The following MAST4 variants were observed in gnomAD, a reference collection of about 807,000 sequenced individuals.
The protein encoded by MAST4 is microtubule-associated serine/threonine-protein kinase 4.
Under a neutral mutation model 162.7 loss-of-function variants are expected in MAST4, and 89 were observed. That is an observed-to-expected ratio of 0.55 (90% CI 0.46 to 0.65). The LOEUF is 0.65. MAST4 is among the 30% of genes least tolerant of loss of function. The probability of loss-of-function intolerance (pLI) is 0.00; values close to 1 mark genes in which losing one functional copy is unlikely to be tolerated. For synonymous variants in MAST4, 1,479 were observed against 1,361.1 expected, an observed-to-expected ratio of 1.09 and a Z score of -1.91; for missense variants, 3,153 against 3,374.0, an observed-to-expected ratio of 0.93 and a Z score of 1.62.
Position 67,164,407 on chromosome 5 carries a change from G to A in MAST4, c.5228G>A (p.Ser1743Asn). The A allele has an allele frequency of 6.2e-7, 1 of 1,614,056 alleles. No individual in the cohort carries two copies. The highest frequency in any genetic ancestry group is 2.2e-5 in the East Asian group (1 of 44,878). The change falls in exon 29 of 29, where the codon AGC becomes AAC. Residue 1743 changes from serine (S) to asparagine (N), a missense_variant. Physicochemically the swap from Ser to Asn is conservative, Grantham distance 46. Transcript: ENST00000403625. This position sits in a 1 kb window ranked among gnomAD's most constrained non-coding sequence, Gnocchi z 5.3. ...PPASESRAFVSSTHAAQMSAV... is the reference protein window; with the variant it reads ...PPASESRAFVNSTHAAQMSAV... Reference sequence around the variant, plus strand: ...GCTTCTGAGAGCCGAGCTTTTGTCAGCAGCACCCATGCAGCTCAGATGAGT... The same window carrying A: ...GCTTCTGAGAGCCGAGCTTTTGTCAACAGCACCCATGCAGCTCAGATGAGT...
At chr5:67,049,061 G>GTA (rs139716277) in intron 4 of MAST4, among the ~76,000 whole-genome samples, 2,620 of 75,838 alleles carry the variant, frequency 0.035, 131 homozygotes, top group African/African-American at 0.094. Context: ...ATATATATAC[G>GTA]TATATATATA....
At chr5:67,156,604 C>T (rs1381508240) in intron 26 of MAST4, among the ~76,000 whole-genome samples, 4 of 152,062 alleles carry the variant, frequency 2.6e-5, no homozygotes, top group African/African-American at 9.7e-5. Flanking sequence ...GTCAGGGGTG[C>T]GGGATAGTCT....
intron 1 of MAST4, among the ~76,000 whole-genome samples, chr5:66,729,938 C>T (rs960394674): frequency 1.3e-5 from 2 of 152,204 alleles, no homozygotes; most frequent in African/African-American, 4.8e-5. Flanking sequence ...AGGGTAATGA[C>T]AAGAGGACTG....
chr5:66,840,573 T>A (rs1324017051), intron 3 of MAST4, among the ~76,000 whole-genome samples: 1 of 152,114 alleles, frequency 6.6e-6, no homozygotes, highest in East Asian at 1.9e-4. Flanking sequence ...GGCCTCATGA[T>A]AGGCAGAGCC....
At chr5:67,081,571 A>C (rs568096228) in intron 5 of MAST4, among the ~76,000 whole-genome samples, 34 of 152,294 alleles carry the variant, frequency 2.2e-4, no homozygotes, top group Non-Finnish European at 4.7e-4. Context: ...TACAGTATAC[A>C]AGAAATTCTA....
chr5:66,898,729 T>G (rs462465), intron 3 of MAST4, among the ~76,000 whole-genome samples: 80,241 of 151,872 alleles, frequency 0.53, 21,502 homozygotes, highest in Middle Eastern at 0.6. Flanking sequence ...TTGTTTTTCT[T>G]GCTTTTGAAC....
intron 4 of MAST4, among the ~76,000 whole-genome samples, chr5:66,971,231 T>G (rs1213734233): frequency 6.6e-6 from 1 of 152,194 alleles, no homozygotes; most frequent in Non-Finnish European, 1.5e-5. Context: ...TGTTTTGACT[T>G]GTGGAGCCCG....
At chr5:66,959,387 A>G in intron 4 of MAST4, 1 of 758,434 alleles carries the variant, frequency 1.3e-6, no homozygotes, top group Admixed American at 1.8e-5. Flanking sequence ...TTGTACTGAC[A>G]GCCTCAGAGC....
In MAST4 at chr5:67,163,713, C is replaced by T. The variant is rs1773506758; in HGVS notation, c.4534C>T (p.Arg1512Cys). The T allele has an allele frequency of 6.2e-7, 1 of 1,608,596 alleles. No homozygotes were observed. Among genetic ancestry groups the T allele is most frequent in the South Asian group, 1.1e-5 (1 of 90,272 alleles). Residue 1512 changes from arginine (R) to cysteine (C), a missense_variant, in exon 29 of 29, where the codon CGC becomes TGC. Arg to Cys is a radical substitution (Grantham distance 180, BLOSUM62 -3). Transcript: ENST00000403625. The surrounding 1 kb of genome is among the most constrained non-coding windows in gnomAD (Gnocchi z 7.0). ...GCCAGTGGAGCAAGGCTGCCTGAAACGCCCAGTCTCCCGGAAGGTGGGCCG... is the reference window on the plus strand; with the variant it reads ...GCCAGTGGAGCAAGGCTGCCTGAAATGCCCAGTCTCCCGGAAGGTGGGCCG... ...ARPVEQGCLK[R>C]PVSRKVGRQE... is the part of the protein sequence containing the mutation.
intron 3 of MAST4, among the ~76,000 whole-genome samples, chr5:66,845,124 T>TACACAC (rs1250010685): frequency 1.1e-4 from 11 of 98,922 alleles, no homozygotes; most frequent in East Asian, 4.2e-4. Context: ...TATATATATA[T>TACACAC]ATACACACAC....
At chr5:66,709,617 C>G (rs1317204048) in intron 1 of MAST4, among the ~76,000 whole-genome samples, 1 of 151,998 alleles carries the variant, frequency 6.6e-6, no homozygotes, top group Non-Finnish European at 1.5e-5. Flanking sequence ...ATATGCAGCC[C>G]CCAAAATGAA....
chr5:67,104,590 C>G lies in MAST4; in HGVS notation c.1356+15C>G, dbSNP rs550233175. The G allele has an allele frequency of 6.2e-7, 1 of 1,600,286 alleles. No individual in the cohort carries two copies. Among genetic ancestry groups the G allele is most frequent in the African/African-American group, 1.3e-5 (1 of 74,546 alleles). ...TGCTACAGGAGGTAAGAACCATGTA[C>G]CATATAGTTTTCTGATTTATTTTGC... On this transcript the variant is annotated intron_variant, in intron 10 of 28. Coordinates refer to ENST00000403625, the MANE Select transcript of MAST4 (RefSeq NM_001164664.2).
At chr5:66,655,411 A>G (rs1007021030) in intron 1 of MAST4, among the ~76,000 whole-genome samples, 2 of 152,208 alleles carry the variant, frequency 1.3e-5, no homozygotes, top group African/African-American at 4.8e-5. Flanking sequence ...GTAATAAAAG[A>G]TGACAAAGAG....
chr5:67,124,717 A>G (rs1488376484), intron 14 of MAST4, among the ~76,000 whole-genome samples: 2 of 152,220 alleles, frequency 1.3e-5, no homozygotes, highest in Non-Finnish European at 2.9e-5. Context: ...AAATTGGTTT[A>G]GGTCGGTTTT....
At chr5:66,989,106 A>C (rs1749811064) in intron 4 of MAST4, among the ~76,000 whole-genome samples, 1 of 152,182 alleles carries the variant, frequency 6.6e-6, no homozygotes, top group Non-Finnish European at 1.5e-5. Context: ...TTTAGAGGAA[A>C]AAAAGGTAAT....
At chr5:66,778,111 G>GCATT (rs1299907475) in intron 2 of MAST4, among the ~76,000 whole-genome samples, 1 of 152,102 alleles carries the variant, frequency 6.6e-6, no homozygotes, top group Admixed American at 6.6e-5. Flanking sequence ...CGTCACGCAG[G>GCATT]CATTCATTCA....
chr5:67,144,562 G>A, intron 21 of MAST4, 107 bp from the exon 22 acceptor site: 1 of 1,143,656 alleles, frequency 8.7e-7, no homozygotes, highest in South Asian at 1.4e-5. Flanking sequence ...CACAATATTA[G>A]TTCAGAATTT....
intron 18 of MAST4, among the ~76,000 whole-genome samples, chr5:67,135,010 C>G (rs1769439507): frequency 6.6e-6 from 1 of 152,134 alleles, no homozygotes; most frequent in Non-Finnish European, 1.5e-5. Context: ...TCCAGTCTTC[C>G]TTTCCATGAT....
intron 3 of MAST4, among the ~76,000 whole-genome samples, chr5:66,808,782 G>T (rs966774780): frequency 1.3e-5 from 2 of 152,164 alleles, no homozygotes; most frequent in African/African-American, 2.4e-5. Context: ...TACCTTCTGT[G>T]TTCTGGTGGA....
Sources: allele counts gnomAD v4.1 joint callset (sites outside exome capture counted in the v4.1 genomes callset), GRCh38; gene constraint gnomAD v4.1.1; non-coding constraint Gnocchi (gnomAD v3.1); transcripts MANE v1.5; gene names NCBI Gene and HGNC (gene_info 2026-07-23, HGNC 2026-07-21).